The following ZNF678 variants were observed in gnomAD, a reference collection of about 807,000 sequenced individuals.
The protein encoded by ZNF678 is zinc finger protein 678.
A neutral mutation model predicts 3.0 loss-of-function variants in ZNF678; 5 were observed. That is an observed-to-expected ratio of 1.69 (90% CI 0.88 to 3.56). The LOEUF (loss-of-function observed/expected upper bound fraction) is 3.56, where lower values mean the gene tolerates loss of function less well. Ranked by LOEUF, ZNF678 falls within the 30% of genes most tolerant of loss-of-function variation. ZNF678 has a pLI of 0.00. For missense variants in ZNF678, 593 were observed against 605.0 expected, an observed-to-expected ratio of 0.98 and a Z score of 0.21; for synonymous variants, 218 against 199.6, an observed-to-expected ratio of 1.09 and a Z score of -0.78.
chr1:227,598,677 G>C (rs1467528386), intron 1 of ZNF678: 5 of 528,262 alleles, frequency 9.5e-6, no homozygotes, highest in African/African-American at 3.9e-5. Context: ...TGCATCTTTT[G>C]ACTTCTTTTT....
chr1:227,601,507 T>C (rs960163014), intron 1 of ZNF678, among the ~76,000 whole-genome samples: 4 of 151,614 alleles, frequency 2.6e-5, no homozygotes, highest in African/African-American at 9.7e-5. Context: ...CTTGTGACAA[T>C]TGTGAATGGG....
downstream of ZNF678, among the ~76,000 whole-genome samples, chr1:227,666,884 A>G (rs1290281934): frequency 1.3e-5 from 2 of 150,982 alleles, no homozygotes; most frequent in Non-Finnish European, 2.9e-5. Context: ...AGCTGGGATT[A>G]CGGGCATGCG....
chr1:227,657,557 G>A lies in ZNF678; in HGVS notation c.*1729G>A, dbSNP rs536978070. ...TGAAAGGCCATGTATTTTGAATCACGAATGACTATTTACAAAATGTCATAC... is the reference window on the plus strand; with the variant it reads ...TGAAAGGCCATGTATTTTGAATCACAAATGACTATTTACAAAATGTCATAC... On this transcript the variant is annotated 3_prime_UTR_variant, in exon 4 of 4. Transcript: ENST00000343776. 11 of 151,900 alleles carry A rather than the reference G, an allele frequency of 7.2e-5. No homozygotes were observed. In the South Asian group the frequency reaches 1.0e-3, roughly 14 times the overall value. 9.4% of individuals were successfully genotyped at this position (151,900 alleles called of 1,614,324 possible).
intron 1 of ZNF678, among the ~76,000 whole-genome samples, chr1:227,597,321 C>T (rs993361112): frequency 1.1e-4 from 16 of 152,318 alleles, no homozygotes; most frequent in East Asian, 3.9e-4. Context: ...GCCCTCATTC[C>T]GGTAAACCCA....
rs1659296471 is a variant in ZNF678, at chr1:227,658,080, A to G, written c.*2252A>G. 1 of 152,042 alleles carries G rather than the reference A, an allele frequency of 6.6e-6. No homozygotes were observed. Among genetic ancestry groups the G allele is most frequent in the South Asian group, 2.1e-4 (1 of 4,830 alleles). The allele number at this position is 152,042 out of a possible 1,614,324, so 9.4% of individuals were successfully genotyped here. A position where few individuals can be genotyped will look rare whatever the true frequency, so the allele number is the denominator to read the frequency against. On this transcript the variant is annotated 3_prime_UTR_variant, in exon 4 of 4. Coordinates refer to ENST00000343776, the MANE Select transcript of ZNF678 (RefSeq NM_001367909.1). ...AGATAATTTTAAGATGTAATTCTAC[A>G]ATATGTGTGTTACTACATTTTATTT...
At chr1:227,576,420 G>A (rs1656988198) in intron 1 of ZNF678, among the ~76,000 whole-genome samples, 2 of 152,116 alleles carry the variant, frequency 1.3e-5, no homozygotes, top group African/African-American at 4.8e-5. Flanking sequence ...CAATTTCAGA[G>A]CTCACTATTT....
chr1:227,597,792 T>TGACACTAAGCTCAGTAAAGGGC, intron 1 of ZNF678, among the ~76,000 whole-genome samples: 1 of 152,184 alleles, frequency 6.6e-6, no homozygotes, highest in Non-Finnish European at 1.5e-5. Flanking sequence ...CAGTAAAGGA[T>TGACACTAAGCTCAGTAAAGGGC]GACACTAAGC....
chr1:227,635,598 C>T (rs1480471810), intron 1 of ZNF678, among the ~76,000 whole-genome samples: 3 of 145,940 alleles, frequency 2.1e-5, no homozygotes, highest in South Asian at 4.3e-4. Context: ...ACCTGAGTGC[C>T]GGCAGGCTGA....
chr1:227,597,223 C>T (rs556939591), intron 1 of ZNF678, among the ~76,000 whole-genome samples: 85 of 152,296 alleles, frequency 5.6e-4, no homozygotes, highest in African/African-American at 1.9e-3. Flanking sequence ...AGGAGCATGT[C>T]CTTAAGGCAC....
At chr1:227,641,878 C>T (rs989546844) in intron 1 of ZNF678, among the ~76,000 whole-genome samples, 1 of 152,196 alleles carries the variant, frequency 6.6e-6, no homozygotes. Context: ...CAACTGGGCT[C>T]ACATCTGTGT....
chr1:227,620,503 T>C (rs370471106), intron 1 of ZNF678, among the ~76,000 whole-genome samples: 4 of 152,308 alleles, frequency 2.6e-5, no homozygotes, highest in African/African-American at 9.6e-5. Context: ...GACAATATTA[T>C]TGTTGATTTT....
rs1177366725 is a variant in ZNF678, at chr1:227,650,981, A to C, written c.-11A>C. The C allele has an allele frequency of 6.2e-7, 1 of 1,611,966 alleles. No individual in the cohort carries two copies. On this transcript the variant is annotated 5_prime_UTR_variant, in exon 3 of 4. Transcript: ENST00000343776. ...GACTTCCAGGACTATGTTAAAATAG[A>C]AGCATTGATAATGGGCACAATATCA...
In ZNF678 at chr1:227,654,854, A is replaced by T. The variant is rs1411622808; in HGVS notation, c.604A>T (p.Ile202Phe). The T allele has an allele frequency of 6.2e-7, 1 of 1,608,946 alleles. No homozygotes were observed. Residue 202 changes from isoleucine to phenylalanine, a missense_variant, in exon 4 of 4, where the codon ATT becomes TTT. Ile to Phe is a conservative substitution (Grantham distance 21). Transcript: ENST00000343776. ...GTCACAACTAACTAGCCATAAGAAA[A>T]TTCATAGTGGAGAGAAACCATACCC... ...WWSQLTSHKK[I>F]HSGEKPYPCE... is the part of the protein sequence containing the mutation.
At chr1:227,602,277 C>T (rs185684931) in intron 1 of ZNF678, among the ~76,000 whole-genome samples, 21 of 152,302 alleles carry the variant, frequency 1.4e-4, no homozygotes, top group Admixed American at 1.2e-3. Flanking sequence ...CTGCTGTTTT[C>T]TCTGAAAGTT....
intron 1 of ZNF678, among the ~76,000 whole-genome samples, chr1:227,566,364 C>T (rs1656685602): frequency 6.6e-6 from 1 of 152,186 alleles, no homozygotes; most frequent in African/African-American, 2.4e-5. Context: ...AGAAATAATT[C>T]CTGCCCTCTG....
At chr1:227,678,270 C>T (rs1302387956), downstream of ZNF678, among the ~76,000 whole-genome samples, 2 of 152,148 alleles carry the variant, frequency 1.3e-5, no homozygotes, top group African/African-American at 4.8e-5. Context: ...CAGGTGGTTC[C>T]ATTTCCCCTA....
intron 1 of ZNF678, among the ~76,000 whole-genome samples, chr1:227,569,052 T>C (rs1031481744): frequency 2.6e-5 from 4 of 152,160 alleles, no homozygotes; most frequent in Non-Finnish European, 5.9e-5. Flanking sequence ...GTTGCTGGAG[T>C]GCAATCATAG....
At chr1:227,582,257 A>G (rs1167385836) in intron 1 of ZNF678, among the ~76,000 whole-genome samples, 1 of 151,952 alleles carries the variant, frequency 6.6e-6, no homozygotes, top group African/African-American at 2.4e-5. Flanking sequence ...AATTGAATGT[A>G]GTCACATCAA....
chr1:227,678,312 G>A (rs191248270), downstream of ZNF678, among the ~76,000 whole-genome samples: 5 of 152,296 alleles, frequency 3.3e-5, no homozygotes, highest in African/African-American at 9.6e-5. Flanking sequence ...GGACTACACT[G>A]TATGTTGGTT....
Sources: allele counts gnomAD v4.1 joint callset (sites outside exome capture counted in the v4.1 genomes callset), GRCh38; gene constraint gnomAD v4.1.1; transcripts MANE v1.5; gene names NCBI Gene and HGNC (gene_info 2026-07-23, HGNC 2026-07-21).